The following PCARE variants were observed in gnomAD, a reference collection of about 807,000 sequenced individuals.
PCARE encodes uncharacterized protein C2orf71.
A neutral mutation model predicts 82.2 loss-of-function variants in PCARE; 72 were observed. The ratio of observed to expected loss-of-function variants is 0.88; its 90% confidence interval spans 0.72 to 1.07. The LOEUF is 1.07. Ranked by LOEUF, PCARE falls within the 50% of genes least tolerant of loss-of-function variation. PCARE has a pLI of 0.00. For missense variants in PCARE, 1,768 were observed against 1,592.4 expected, an observed-to-expected ratio of 1.11 and a Z score of -1.88; for synonymous variants, 705 against 634.8, an observed-to-expected ratio of 1.11 and a Z score of -1.66.
In PCARE at chr2:29,071,259, C is replaced by G; in HGVS notation, c.3003G>C (p.Trp1001Cys). The stretch of plus-strand genomic sequence containing the variant: ...GGCGCCTCTTGTCTGCTTGAGGCAC[C>G]CAGTGTGTCCTCGTGGGAGAGGCCT... ...GRKASPTRTH[W>C]VPQADKRRRS... The change falls in exon 1 of 2, where the codon TGG becomes TGC. Residue 1001 changes from tryptophan to cysteine, a missense_variant. Trp to Cys is a radical substitution (Grantham distance 215). Transcript: ENST00000331664. The G allele has an allele frequency of 1.2e-6, 2 of 1,613,306 alleles. No homozygotes were observed. The highest frequency in any genetic ancestry group is 1.7e-6 in the Non-Finnish European group (2 of 1,179,846).
In PCARE at chr2:29,072,988, C is replaced by T. The variant is rs201602930; in HGVS notation, c.1274G>A (p.Arg425Gln). The T allele has an allele frequency of 3.7e-5, 59 of 1,614,100 alleles. No individual in the cohort carries two copies. The African/African-American group carries it at 5.9e-4, about 16-fold the overall frequency. ...SGAPMAKVQP[R>Q]AQDEARSPCL... ...TGGGCTCCTTGCTTCGTCCTGTGCTCGTGGCTGAACCTTTGCCATAGGAGC... is the reference window on the plus strand; with the variant it reads ...TGGGCTCCTTGCTTCGTCCTGTGCTTGTGGCTGAACCTTTGCCATAGGAGC... The change falls in exon 1 of 2, where the codon CGA (arginine) becomes CAA (glutamine). Residue 425 changes from arginine to glutamine, a missense_variant. By Grantham distance (43) the Arg-to-Gln change is conservative (BLOSUM62 1). Coordinates refer to ENST00000331664, the MANE Select transcript of PCARE (RefSeq NM_001029883.3).
At position 29,065,063 on chromosome 2, in the gene PCARE, T is replaced by TGCC. The variant is rs779257474; in HGVS notation, c.3672_3673insGGC (p.Ser1224_Ser1225insGly). 5.8e-6 allele frequency: 9 copies of TGCC among 1,550,002 alleles called. No homozygotes were observed. The East Asian group carries it at 1.5e-4, about 25-fold the overall frequency. ...GTGTCCTTCTTAGGGCTCTCCTCGC[T>TGCC]GCTGCTGCCGAGAGAAAGGACAAGT... is the stretch of plus-strand genomic sequence containing the variant. On this transcript the variant is annotated inframe_insertion, in exon 2 of 2. Coordinates refer to ENST00000331664, the MANE Select transcript of PCARE (RefSeq NM_001029883.3).
In PCARE at chr2:29,072,837, C is replaced by A. The variant is rs755455124; in HGVS notation, c.1425G>T (p.Pro475=). 5 of 1,614,134 alleles carry A rather than the reference C, an allele frequency of 3.1e-6. No individual in the cohort carries two copies. The South Asian group carries it at 5.5e-5, about 18-fold the overall frequency. ...TGTCACTAAGAGATGAAGCGTCCAT[C>A]GGCCTGGAGGTTTTGGAAAGGTGTG... is the stretch of plus-strand genomic sequence containing the variant. ...VEPHLSKTSR[P]MDASSLSDSE... Residue 475 remains proline, a synonymous_variant, in exon 1 of 2, where the codon CCG becomes CCT. Transcript: ENST00000331664.
intron 1 of PCARE, among the ~76,000 whole-genome samples, chr2:29,066,284 G>A (rs1237887442): frequency 6.6e-6 from 1 of 152,182 alleles, no homozygotes; most frequent in Non-Finnish European, 1.5e-5. Flanking sequence ...CCCCATAGGT[G>A]GGTAGTGACA....
Position 29,072,887 on chromosome 2 carries a change from A to T in PCARE, c.1375T>A (p.Phe459Ile), listed in dbSNP as rs776230095. ...KLGTSTPCDS[F>I]GIGVSVEPHL... ...GGTTCCACAGAGACCCCAATCCCAA[A>T]GGAATCACATGGGGTGCTTGTCCCC... The change falls in exon 1 of 2, where the codon TTT becomes ATT. Residue 459 changes from phenylalanine to isoleucine, a missense_variant. Coordinates refer to ENST00000331664, the MANE Select transcript of PCARE (RefSeq NM_001029883.3). 44 of 1,613,986 alleles carry T rather than the reference A, an allele frequency of 2.7e-5. No homozygotes were observed. The highest frequency in any genetic ancestry group is 3.6e-5 in the Non-Finnish European group (42 of 1,180,004).
chr2:29,064,578 C>T lies in PCARE; in HGVS notation c.*291G>A, dbSNP rs886055919. ...CAAGCATGCAACTATACATTCTCCA[C>T]CCCCCACCCCACCCCAAATTAAGGC... On this transcript the variant is annotated 3_prime_UTR_variant, in exon 2 of 2. Transcript: ENST00000331664. The T allele has an allele frequency of 1.3e-5, 7 of 552,438 alleles. No homozygotes were observed. The African/African-American group carries it at 1.3e-4, about 10-fold the overall frequency. The allele number at this position is 552,438 out of a possible 1,614,324, so 34.2% of individuals were successfully genotyped here. A position where few individuals can be genotyped will look rare whatever the true frequency, so the allele number is the denominator to read the frequency against.
chr2:29,065,288 CT>C (rs1667375673), intron 1 of PCARE, among the ~76,000 whole-genome samples: 1 of 152,232 alleles, frequency 6.6e-6, no homozygotes, highest in African/African-American at 2.4e-5. Flanking sequence ...GCTGGGGTGA[CT>C]GGCTGAGTCC....
In PCARE at chr2:29,072,380, C is replaced by T. The variant is rs571059484; in HGVS notation, c.1882G>A (p.Ala628Thr). 6.2e-4 allele frequency: 1,006 copies of T among 1,614,154 alleles called. 4 individuals carry two copies. The South Asian group carries it at 0.01, about 17-fold the overall frequency. The change falls in exon 1 of 2, where the codon GCC (alanine) becomes ACC (threonine). Residue 628 changes from alanine (A) to threonine (T), a missense_variant. Transcript: ENST00000331664. Reference sequence around the variant, plus strand: ...TGCCCCTGCCCTTTGGCACCCAGGGCATAAAATGCCTCCAGCTTCTGACTG... The same window carrying T: ...TGCCCCTGCCCTTTGGCACCCAGGGTATAAAATGCCTCCAGCTTCTGACTG... ...DLSQKLEAFY[A>T]LGAKGQGQSQ... is the part of the protein sequence containing the mutation.
intron 1 of PCARE, among the ~76,000 whole-genome samples, chr2:29,065,600 T>C (rs13012389): frequency 0.29 from 44,731 of 152,034 alleles, 6,997 homozygotes; most frequent in East Asian, 0.48. Context: ...GGGCTTTGCA[T>C]GGGGAGAGGA....
In PCARE at chr2:29,063,645, G is replaced by C. The variant is rs886055916; in HGVS notation, c.*1224C>G. On this transcript the variant is annotated 3_prime_UTR_variant, in exon 2 of 2. Coordinates refer to ENST00000331664, the MANE Select transcript of PCARE (RefSeq NM_001029883.3). The stretch of plus-strand genomic sequence containing the variant: ...TGTACCCCAGTGGGTAAGAATTCTT[G>C]TCTTTTGCCAACCCATTGAGCCGGC... The C allele has an allele frequency of 3.9e-5, 6 of 152,614 alleles. No individual in the cohort carries two copies. Among genetic ancestry groups the C allele is most frequent in the Non-Finnish European group, 1.5e-5 (1 of 68,034 alleles). The allele number at this position is 152,614 out of a possible 1,614,324, so 9.5% of individuals were successfully genotyped here.
rs747027064 is a variant in PCARE at position 29,072,538 on chromosome 2, G to A, written c.1724C>T (p.Pro575Leu). Residue 575 changes from proline to leucine, a missense_variant, in exon 1 of 2, where the codon CCC becomes CTC. Physicochemically the swap from Pro to Leu is moderately conservative, Grantham distance 98 (BLOSUM62 -3). Transcript: ENST00000331664. ...GCCACTTACCGTGCTAGGTCTTGGG[G>A]GGACCACTGTCCTCCCCTCCTCCTC... ...SEEEEGRTVV[P>L]PRPSTVSGSR... 6.2e-6 allele frequency: 10 copies of A among 1,614,034 alleles called. No homozygotes were observed. Among genetic ancestry groups the A allele is most frequent in the Non-Finnish European group, 6.8e-6 (8 of 1,180,026 alleles).
Position 29,064,690 on chromosome 2 carries a change from C to T in PCARE, c.*179G>A. ...CCCCAAGGCAGAGCAAGATCTGGGA[C>T]TGAAAACGGCGATTGTTTAAAATTC... On this transcript the variant is annotated 3_prime_UTR_variant, in exon 2 of 2. Transcript: ENST00000331664. 1.3e-6 allele frequency: 1 copy of T among 753,198 alleles called. No individual in the cohort carries two copies. Among genetic ancestry groups the T allele is most frequent in the Admixed American group, 2.3e-5 (1 of 44,166 alleles). The allele number at this position is 753,198 out of a possible 1,614,324, so 46.7% of individuals were successfully genotyped here.
intron 1 of PCARE, among the ~76,000 whole-genome samples, chr2:29,068,979 C>T (rs923775499): frequency 6.6e-6 from 1 of 152,152 alleles, no homozygotes; most frequent in East Asian, 1.9e-4. Flanking sequence ...AGGGGGCCCA[C>T]GATGTCAAAA....
chr2:29,073,194 AT>A lies in PCARE; in HGVS notation c.1067del (p.Asn356MetfsTer28). 6.2e-7 allele frequency: 1 copy of A among 1,614,090 alleles called. No individual in the cohort carries two copies. Among genetic ancestry groups the A allele is most frequent in the South Asian group, 1.1e-5 (1 of 91,082 alleles). ...GCTTGTCCACCGACTGCACGGACTCATTGTCAGCACCAATGCCACTGTCCTC... is the reference window on the plus strand; with the variant it reads ...GCTTGTCCACCGACTGCACGGACTCATGTCAGCACCAATGCCACTGTCCTC... ...CSEDSGIGAD[N>X]ESVQSVDKLG... On this transcript the variant is annotated frameshift_variant, in exon 1 of 2. Transcript: ENST00000331664. LOFTEE classifies it high-confidence loss of function.
rs555070980 is a variant in PCARE, at chr2:29,071,078, C to T, written c.3184G>A (p.Glu1062Lys). The T allele has an allele frequency of 2.3e-5, 29 of 1,262,916 alleles. No homozygotes were observed. The highest frequency in any genetic ancestry group is 2.2e-4 in the Admixed American group (6 of 26,758). The allele number at this position is 1,262,916 out of a possible 1,614,324, so 78.2% of individuals were successfully genotyped here. A position where few individuals can be genotyped will look rare whatever the true frequency, so the allele number is the denominator to read the frequency against. Residue 1062 changes from glutamate to lysine, a missense_variant, in exon 1 of 2, where the codon GAG becomes AAG. Coordinates refer to ENST00000331664, the MANE Select transcript of PCARE (RefSeq NM_001029883.3). ...ACCTTGCACTGAGCAGGTGCACTCT[C>T]GGGGGGAGGGTTGGGCAACTTGGGC... ...HQPKLPNPPP[E>K]SAPAQCKVPS...
At position 29,070,531 on chromosome 2, in the gene PCARE, C is replaced by T. The variant is rs1272528492; in HGVS notation, c.3668+63G>A. The T allele has an allele frequency of 4.4e-6, 7 of 1,603,082 alleles. No individual in the cohort carries two copies. The African/African-American group carries it at 8.0e-5, about 18-fold the overall frequency. The stretch of plus-strand genomic sequence containing the variant: ...CTGAGACCCAGAAGATCTTTTGGCC[C>T]ATTCGCTCTGTTCCTCTCTAGTCCA... On this transcript the variant is annotated intron_variant, in intron 1 of 1. Coordinates refer to ENST00000331664, the MANE Select transcript of PCARE (RefSeq NM_001029883.3).
In PCARE at chr2:29,064,856, C is replaced by T; in HGVS notation, c.*13G>A. The T allele has an allele frequency of 1.2e-6, 2 of 1,610,000 alleles. No individual in the cohort carries two copies. The highest frequency in any genetic ancestry group is 1.7e-6 in the Non-Finnish European group (2 of 1,179,920). ...TGGGGTGACTGCGTGAGTGTGGCCC[C>T]CTCGTCAGCCTGTCAGGACACCTCC... On this transcript the variant is annotated 3_prime_UTR_variant, in exon 2 of 2. Transcript: ENST00000331664.
In PCARE at chr2:29,072,179, C is replaced by T. The variant is rs769814461; in HGVS notation, c.2083G>A (p.Glu695Lys). The change falls in exon 1 of 2, where the codon GAA becomes AAA. Residue 695 changes from glutamate to lysine, a missense_variant. Transcript: ENST00000331664. ...GGAAGCTTCCCAGCTTTGCCTTGTT[C>T]GTCCTCAGGATGGGGATTGCATTTC... is the stretch of plus-strand genomic sequence containing the variant. ...LQKCNPHPED[E>K]QGKAGKLPNA... 65 of 1,614,120 alleles carry T rather than the reference C, an allele frequency of 4.0e-5. No homozygotes were observed. The Admixed American group carries it at 6.0e-4, about 15-fold the overall frequency.
In PCARE at chr2:29,065,022, G is replaced by C. The variant is rs368652431; in HGVS notation, c.3714C>G (p.Ser1238Arg). 6.4e-7 allele frequency: 1 copy of C among 1,556,882 alleles called. No homozygotes were observed. Among genetic ancestry groups the C allele is most frequent in the Non-Finnish European group, 8.7e-7 (1 of 1,150,168 alleles). ...CGCCCTGCAGTTCAGGGGAACAGGG[G>C]CTGCTCCCCGGCTCTGTGTCCTTCT... ...SPKKDTEPGS[S>R]PCSPELQGGT... is the part of the protein sequence containing the mutation. The change falls in exon 2 of 2, where the codon AGC becomes AGG. Residue 1238 changes from serine to arginine, a missense_variant. By Grantham distance (110) the Ser-to-Arg change is moderately radical (BLOSUM62 -1). Transcript: ENST00000331664.
Sources: allele counts gnomAD v4.1 joint callset (sites outside exome capture counted in the v4.1 genomes callset), GRCh38; gene constraint gnomAD v4.1.1; transcripts MANE v1.5; gene names NCBI Gene and HGNC (gene_info 2026-07-23, HGNC 2026-07-21).